LURAP1L: variants seen among roughly 807,000 people sequenced by gnomAD.
LURAP1L encodes leucine rich adaptor protein 1 like.
Under a neutral mutation model 13.8 loss-of-function variants are expected in LURAP1L, and 12 were observed. The ratio of observed to expected loss-of-function variants is 0.87; its 90% CI spans 0.56 to 1.41. The LOEUF is 1.41. LURAP1L is among the 40% of genes most tolerant of loss of function. The probability of loss-of-function intolerance (pLI) is 0.00; values close to 1 mark genes in which losing one functional copy is unlikely to be tolerated. For synonymous variants in LURAP1L, 139 were observed against 119.2 expected (o/e 1.17, Z -1.08); for missense variants, 375 against 292.9 (o/e 1.28, Z -2.04).
chr9:12,820,489 C>T (rs1489720216), intron 1 of LURAP1L, among the ~76,000 whole-genome samples: 1 of 105,330 alleles, frequency 9.5e-6, no homozygotes, highest in Middle Eastern at 8.3e-3. Context: ...GACGACAGAT[C>T]GAGACTCCGT....
chr9:12,775,602 AGGATAGAGACCCTGGCCCCC>A lies in LURAP1L; in HGVS notation c.-110_-91del, dbSNP rs1225238288. 2 of 1,441,698 alleles carry A rather than the reference AGGATAGAGACCCTGGCCCCC, an allele frequency of 1.4e-6. No individual in the cohort carries two copies. Among genetic ancestry groups the A allele is most frequent in the African/African-American group, 2.9e-5 (2 of 69,874 alleles). The allele number at this position is 1,441,698 out of a possible 1,614,324, so 89.3% of individuals were successfully genotyped here. ...AAAGGACGGTACACCGGAGCGGCGG[AGGATAGAGACCCTGGCCCCC>A]GGAGAGGTCTGCTGATTTCGCAGCA... On this transcript the variant is annotated 5_prime_UTR_variant, in exon 1 of 2. It removes the in-frame stop codon of an upstream open reading frame in the 5' UTR. Coordinates refer to ENST00000319264, the MANE Select transcript of LURAP1L (RefSeq NM_203403.2).
At chr9:12,797,843 A>T (rs1040900586) in intron 1 of LURAP1L, among the ~76,000 whole-genome samples, 7 of 152,170 alleles carry the variant, frequency 4.6e-5, no homozygotes, top group African/African-American at 1.2e-4. Flanking sequence ...TATATCCAAT[A>T]AAATCCAGCT....
intron 1 of LURAP1L, among the ~76,000 whole-genome samples, chr9:12,801,858 CTGA>C (rs1819590256): frequency 1.3e-5 from 2 of 152,208 alleles, no homozygotes; most frequent in Admixed American, 6.5e-5. Flanking sequence ...ATCAAGCCCT[CTGA>C]GTTTTTCTGG....
In LURAP1L at chr9:12,780,968, TTATTA is replaced by T. The variant is rs1437038819; in HGVS notation, c.312+4943_312+4947del. 4.6e-5 allele frequency among the ~76,000 whole-genome samples: 7 copies of T among 152,170 alleles called. No individual in the cohort carries two copies. The East Asian group carries it at 1.4e-3, about 29-fold the overall frequency. ...AAATATACTCTTTTAGTTATTATTA[TTATTA>T]TTAGTTTTATTATTTGAGATGGAGT... is the stretch of plus-strand genomic sequence containing the variant. On this transcript the variant is annotated intron_variant, in intron 1 of 1. Coordinates refer to ENST00000319264, the MANE Select transcript of LURAP1L (RefSeq NM_203403.2).
chr9:12,784,244 T>G (rs1819317103), intron 1 of LURAP1L, among the ~76,000 whole-genome samples: 1 of 152,186 alleles, frequency 6.6e-6, no homozygotes, highest in Admixed American at 6.5e-5. Flanking sequence ...TAAATGATCT[T>G]GATGCTTTTG....
chr9:12,780,170 A>G (rs1232082214), intron 1 of LURAP1L, among the ~76,000 whole-genome samples: 1 of 152,236 alleles, frequency 6.6e-6, no homozygotes, highest in Non-Finnish European at 1.5e-5. Flanking sequence ...AAAGAACTAG[A>G]AACTTGGAAT....
chr9:12,807,249 G>A (rs1327547394), intron 1 of LURAP1L, among the ~76,000 whole-genome samples: 5 of 151,692 alleles, frequency 3.3e-5, no homozygotes, highest in Non-Finnish European at 7.4e-5. Context: ...CTGGGCGACA[G>A]AGCGAGACTC....
intron 1 of LURAP1L, among the ~76,000 whole-genome samples, chr9:12,787,758 G>C (rs553761674): frequency 1.3e-5 from 2 of 152,036 alleles, no homozygotes; most frequent in African/African-American, 4.8e-5. Flanking sequence ...ATACTTCACC[G>C]CGTGTGCCTG....
intron 1 of LURAP1L, among the ~76,000 whole-genome samples, chr9:12,819,123 T>A (rs1215592553): frequency 6.6e-6 from 1 of 152,126 alleles, no homozygotes; most frequent in Non-Finnish European, 1.5e-5. Flanking sequence ...CCCCAACAAA[T>A]AGAGGGGCTT....
chr9:12,793,409 C>A (rs995937410), intron 1 of LURAP1L, among the ~76,000 whole-genome samples: 4 of 152,038 alleles, frequency 2.6e-5, no homozygotes, highest in Non-Finnish European at 5.9e-5. Context: ...TTGTCCATGA[C>A]TTAACCTTAT....
rs952142933 is a variant in LURAP1L at position 12,775,896 on chromosome 9, A to G, written c.181A>G (p.Ser61Gly). The G allele has an allele frequency of 6.4e-7, 1 of 1,560,526 alleles. No homozygotes were observed. Among genetic ancestry groups the G allele is most frequent in the Non-Finnish European group, 8.7e-7 (1 of 1,149,448 alleles). ...GGGGGCSSSS[S>G]YCSFPPSLSS... ...CGGCGGCGGCTGCAGTAGCAGCAGC[A>G]GCTACTGCAGCTTCCCTCCCTCCTT... is the stretch of plus-strand genomic sequence containing the variant. The change falls in exon 1 of 2, where the codon AGC becomes GGC. Residue 61 changes from serine (S) to glycine (G), a missense_variant. Transcript: ENST00000319264.
At chr9:12,782,488 A>G (rs1029660205) in intron 1 of LURAP1L, among the ~76,000 whole-genome samples, 1 of 152,216 alleles carries the variant, frequency 6.6e-6, no homozygotes, top group African/African-American at 2.4e-5. Context: ...CATTTATTGA[A>G]GAGACTATCT....
chr9:12,777,524 C>G lies in LURAP1L; in HGVS notation c.312+1497C>G, dbSNP rs1278018484. On this transcript the variant is annotated intron_variant, in intron 1 of 1. Transcript: ENST00000319264. ...CTAACCATGTCTTCTGTAATTTTAC[C>G]CATGGAATGTTAATATATTCACTTA... is the stretch of plus-strand genomic sequence containing the variant. 44 of 980,884 alleles carry G rather than the reference C, an allele frequency of 4.5e-5. No homozygotes were observed. In the South Asian group the frequency reaches 4.7e-4, roughly 11 times the overall value. The allele number at this position is 980,884 out of a possible 1,614,324, so 60.8% of individuals were successfully genotyped here.
chr9:12,821,449 G>C lies in LURAP1L; in HGVS notation c.376G>C (p.Glu126Gln). 1 of 1,614,110 alleles carries C rather than the reference G, an allele frequency of 6.2e-7. No individual in the cohort carries two copies. Among genetic ancestry groups the C allele is most frequent in the Non-Finnish European group, 8.5e-7 (1 of 1,180,032 alleles). ...RQLLVINESI[E>Q]SIKWMIEEKA... ...GTTGCTTGTAATCAATGAGAGCATCGAGTCCATCAAGTGGATGATCGAAGA... is the reference window on the plus strand; with the variant it reads ...GTTGCTTGTAATCAATGAGAGCATCCAGTCCATCAAGTGGATGATCGAAGA... Residue 126 changes from glutamate (E) to glutamine (Q), a missense_variant, in exon 2 of 2, where the codon GAG (glutamate) becomes CAG (glutamine). By Grantham distance (29) the Glu-to-Gln change is conservative. Coordinates refer to ENST00000319264, the MANE Select transcript of LURAP1L (RefSeq NM_203403.2).
chr9:12,782,398 T>C (rs2118464967), intron 1 of LURAP1L, among the ~76,000 whole-genome samples: 1 of 152,316 alleles, frequency 6.6e-6, no homozygotes, highest in East Asian at 1.9e-4. Context: ...GATGTAAGTC[T>C]TTGATTAGAT....
chr9:12,818,164 A>G (rs535916998), intron 1 of LURAP1L, among the ~76,000 whole-genome samples: 3 of 152,188 alleles, frequency 2.0e-5, no homozygotes, highest in East Asian at 1.9e-4. Context: ...TCTTATTTAA[A>G]TAAGTCATTT....
At chr9:12,806,633 T>C (rs1819660700) in intron 1 of LURAP1L, among the ~76,000 whole-genome samples, 1 of 152,212 alleles carries the variant, frequency 6.6e-6, no homozygotes, top group African/African-American at 2.4e-5. Flanking sequence ...AATTTTATGT[T>C]TTACTTTTAG....
intron 1 of LURAP1L, among the ~76,000 whole-genome samples, chr9:12,800,739 T>G (rs1381986739): frequency 6.6e-6 from 1 of 152,192 alleles, no homozygotes; most frequent in Non-Finnish European, 1.5e-5. Context: ...CTAAGTTTCC[T>G]GAGGCCTCCT....
intron 1 of LURAP1L, among the ~76,000 whole-genome samples, chr9:12,808,847 C>G (rs1819698060): frequency 1.3e-5 from 2 of 152,210 alleles, no homozygotes; most frequent in East Asian, 3.9e-4. Flanking sequence ...TCCCATTATA[C>G]ATGTGTTATT....
Sources: gnomAD v4.1 joint callset for allele counts (sites outside exome capture counted in the v4.1 genomes callset) on GRCh38, gnomAD v4.1.1 for gene constraint, MANE v1.5 for transcripts, NCBI Gene and HGNC (gene_info 2026-07-23, HGNC 2026-07-21) for gene names.